Variants in CPNE7 observed in about 807,000 individuals in gnomAD.
CPNE7 encodes the protein copine-7.
CPNE7 carries 78 observed loss-of-function variants against 66.5 expected under a neutral mutation model. The ratio of observed to expected loss-of-function variants is 1.17; its 90% CI spans 0.98 to 1.42. CPNE7 has a LOEUF of 1.42. CPNE7 is among the 40% of genes most tolerant of loss of function. The pLI is 0.00. For synonymous variants in CPNE7, 468 were observed against 336.7 expected (o/e 1.39, Z -4.27); for missense variants, 1,012 against 776.6 (o/e 1.30, Z -3.60).
At chr16:89,579,731 C>A (rs1350837432) in intron 2 of CPNE7, among the ~76,000 whole-genome samples, 1 of 150,990 alleles carries the variant, frequency 6.6e-6, no homozygotes, top group African/African-American at 2.5e-5. Context: ...TCACACGGAA[C>A]ATCCCATCAC....
intron 2 of CPNE7, among the ~76,000 whole-genome samples, chr16:89,580,410 G>A (rs1355856781): frequency 8.1e-6 from 1 of 124,174 alleles, no homozygotes; most frequent in African/African-American, 3.1e-5. Context: ...CCCGTCACAC[G>A]GAACATCCCA....
chr16:89,578,763 A>G (rs2058900345), intron 2 of CPNE7: 12 of 531,184 alleles, frequency 2.3e-5, no homozygotes, highest in Non-Finnish European at 2.8e-5. Context: ...CTGTCTCAAA[A>G]AAAAAAAAAA....
chr16:89,587,211 CGCCCA>C (rs1437328017), intron 9 of CPNE7, 109 bp downstream of exon 9: 3 of 509,966 alleles, frequency 5.9e-6, no homozygotes, highest in South Asian at 2.0e-5. Context: ...TCTGTGGCCC[CGCCCA>C]TCCCCGCCCC....
chr16:89,594,095 A>G (rs1384877864), intron 13 of CPNE7: 1 of 152,052 alleles, frequency 6.6e-6, no homozygotes, highest in African/African-American at 2.4e-5. Context: ...GGACTCAGAC[A>G]TGATCAGCTG....
chr16:89,593,473 C>T (rs2059206045), intron 13 of CPNE7, among the ~76,000 whole-genome samples: 2 of 152,012 alleles, frequency 1.3e-5, no homozygotes, highest in African/African-American at 4.8e-5. Flanking sequence ...CTGCCTCAGC[C>T]TCCCAAATAG....
intron 1 of CPNE7, among the ~76,000 whole-genome samples, chr16:89,577,077 C>T (rs542847712): frequency 1.3e-5 from 2 of 152,302 alleles, no homozygotes; most frequent in Admixed American, 1.3e-4. Flanking sequence ...AGCCTACTGG[C>T]CCAGCTGGGT....
Position 89,583,140 on chromosome 16 carries a change from C to G in CPNE7, c.358-557C>G, listed in dbSNP as rs113740672. Among the ~76,000 whole-genome samples the G allele has an allele frequency of 4.1e-4, 63 of 152,348 alleles. 1 individual carries two copies. The highest frequency in any genetic ancestry group is 1.4e-3 in the African/African-American group (59 of 41,588). On this transcript the variant is annotated intron_variant, in intron 2 of 14. Transcript: ENST00000319518. ...CCAGGGTCTAAGCCCCAGTCCACTT[C>G]GAACAATCAACTCTGCTCCTTGGCA... is the stretch of plus-strand genomic sequence containing the variant.
intron 2 of CPNE7, among the ~76,000 whole-genome samples, chr16:89,578,539 C>T (rs536386166): frequency 6.6e-6 from 1 of 152,068 alleles, no homozygotes; most frequent in South Asian, 2.1e-4. Flanking sequence ...GCGGGCAGAT[C>T]ACTTGAGGTC....
intron 14 of CPNE7, 115 bp from the exon 15 acceptor site, chr16:89,596,369 G>A (rs2059255421): frequency 7.2e-7 from 1 of 1,393,674 alleles, no homozygotes; most frequent in Non-Finnish European, 9.6e-7. Context: ...TCTGGTGGGG[G>A]TGGGTAGTCA....
At chr16:89,577,913 G>A (rs192746634) in intron 2 of CPNE7, among the ~76,000 whole-genome samples, 192 bp downstream of exon 2, 5 of 152,270 alleles carry the variant, frequency 3.3e-5, no homozygotes, top group East Asian at 3.9e-4. Context: ...TAATACATTC[G>A]TATGTTTTAA....
chr16:89,581,133 C>G (rs919579732), intron 2 of CPNE7, among the ~76,000 whole-genome samples: 3 of 148,688 alleles, frequency 2.0e-5, no homozygotes, highest in Non-Finnish European at 4.5e-5. Context: ...CACAGAACAT[C>G]TCACCCATCA....
At chr16:89,578,759 CAAAAAAA>C (rs35811163) in intron 2 of CPNE7, 226 of 1,190,356 alleles carry the variant, frequency 1.9e-4, no homozygotes, top group South Asian at 6.1e-4. Flanking sequence ...GACTCTGTCT[CAAAAAAA>C]AAAAAAAAAA....
chr16:89,589,941 C>G lies in CPNE7; in HGVS notation c.1106C>G (p.Pro369Arg). The change falls in exon 11 of 15, where the codon CCC becomes CGC. Residue 369 changes from proline (P) to arginine (R), a missense_variant. Pro to Arg is a moderately radical substitution (Grantham distance 103). Transcript: ENST00000319518. ...SALGFGARIP[P>R]KYEVSHDFAI... ...TTGGGGTTTGGAGCCCGGATCCCTC[C>G]CAAGTATGAGGTAGGAGAGCCCAGA... 1 of 1,613,644 alleles carries G rather than the reference C, an allele frequency of 6.2e-7. No individual in the cohort carries two copies.
In CPNE7 at chr16:89,579,484, G is replaced by A. The variant is rs140773779; in HGVS notation, c.357+1763G>A. Among the ~76,000 whole-genome samples the A allele has an allele frequency of 5.7e-3, 776 of 135,460 alleles. 7 individuals are homozygous for A. The highest frequency in any genetic ancestry group is 0.021 in the African/African-American group (743 of 35,520). The allele number at this position is 135,460 out of a possible 152,430, so 88.9% of individuals were successfully genotyped here. A position where few individuals can be genotyped will look rare whatever the true frequency, so the allele number is the denominator to read the frequency against. Reference sequence around the variant, plus strand: ...TGTCACCTGCTGACACGGAACATCCGATCACCCGTCACACGGAACATCCCA... The same window carrying A: ...TGTCACCTGCTGACACGGAACATCCAATCACCCGTCACACGGAACATCCCA... On this transcript the variant is annotated intron_variant, in intron 2 of 14. Transcript: ENST00000319518.
At chr16:89,595,061 C>T (rs1430008825) in intron 13 of CPNE7, among the ~76,000 whole-genome samples, 1 of 152,094 alleles carries the variant, frequency 6.6e-6, no homozygotes, top group East Asian at 1.9e-4. Context: ...GGCCTCAGAC[C>T]TCCCATCCAG....
chr16:89,587,506 G>A (rs2059073655), intron 9 of CPNE7: 1 of 451,470 alleles, frequency 2.2e-6, no homozygotes, highest in African/African-American at 2.0e-5. Flanking sequence ...AGCCCGCCTT[G>A]GGAGGTGACA....
Position 89,587,382 on chromosome 16 carries a change from G to T in CPNE7, c.927+280G>T, listed in dbSNP as rs1391991829. Among the ~76,000 whole-genome samples, 4 of 103,602 alleles carry T rather than the reference G, an allele frequency of 3.9e-5. 1 individual carries two copies. The highest frequency in any genetic ancestry group is 7.9e-5 in the Non-Finnish European group (4 of 50,914). The allele number at this position is 103,602 out of a possible 152,430, so 68.0% of individuals were successfully genotyped here. Reference sequence around the variant, plus strand: ...CGCTCCCGAGGGGTCCCAGCCTGGCGGGTGAAAGGGCACTGGCGGTTCCCC... The same window carrying T: ...CGCTCCCGAGGGGTCCCAGCCTGGCTGGTGAAAGGGCACTGGCGGTTCCCC... On this transcript the variant is annotated intron_variant, in intron 9 of 14. Coordinates refer to ENST00000319518, the MANE Select transcript of CPNE7 (RefSeq NM_153636.3).
rs183840441 is a variant in CPNE7 at position 89,594,726 on chromosome 16, A to T, written c.1303-641A>T. Reference sequence around the variant, plus strand: ...AAGTGCAATGGCGCGATCTCAGCTCACTGCACCCTCTGCCTCCCAAGTTCA... The same window carrying T: ...AAGTGCAATGGCGCGATCTCAGCTCTCTGCACCCTCTGCCTCCCAAGTTCA... On this transcript the variant is annotated intron_variant, in intron 13 of 14. Transcript: ENST00000319518. Among the ~76,000 whole-genome samples the T allele has an allele frequency of 6.0e-3, 772 of 129,646 alleles. 7 individuals are homozygous for T. Among genetic ancestry groups the T allele is most frequent in the African/African-American group, 0.021 (722 of 33,870 alleles). The allele number at this position is 129,646 out of a possible 152,430, so 85.1% of individuals were successfully genotyped here. A position where few individuals can be genotyped will look rare whatever the true frequency, so the allele number is the denominator to read the frequency against.
At chr16:89,576,630 C>T (rs2058864499) in intron 1 of CPNE7, among the ~76,000 whole-genome samples, 1 of 152,292 alleles carries the variant, frequency 6.6e-6, no homozygotes, top group Non-Finnish European at 1.5e-5. Context: ...GTCACCATCT[C>T]GCGTGAAACG....
Sources: gnomAD v4.1 joint callset for allele counts (sites outside exome capture counted in the v4.1 genomes callset) on GRCh38, gnomAD v4.1.1 for gene constraint, MANE v1.5 for transcripts, NCBI Gene and HGNC (gene_info 2026-07-23, HGNC 2026-07-21) for gene names.